Variants in DEGS1 observed in about 807,000 individuals in gnomAD.
DEGS1 encodes sphingolipid delta(4)-desaturase DES1.
A neutral mutation model predicts 24.1 loss-of-function variants in DEGS1; 17 were observed. The observed-to-expected ratio is 0.70, with a 90% CI of 0.48 to 1.06. DEGS1 has a LOEUF of 1.06. Among genes scored for constraint, DEGS1 ranks in the 50% least tolerant of loss-of-function variants. The probability of loss-of-function intolerance (pLI) is 0.00; values close to 1 mark genes in which losing one functional copy is unlikely to be tolerated. For missense variants in DEGS1, 366 were observed against 408.9 expected (o/e 0.90, Z 0.91); for synonymous variants, 134 against 140.0 (o/e 0.96, Z 0.30).
At position 224,189,964 on chromosome 1, in the gene DEGS1, T is replaced by C; in HGVS notation, c.470T>C (p.Phe157Ser). The C allele has an allele frequency of 6.2e-7, 1 of 1,614,232 alleles. No homozygotes were observed. The highest frequency in any genetic ancestry group is 1.3e-5 in the African/African-American group (1 of 75,068). The change falls in exon 2 of 3, where the codon TTC becomes TCC. Residue 157 changes from phenylalanine to serine, a missense_variant. Physicochemically the swap from Phe to Ser is radical, Grantham distance 155. Transcript: ENST00000323699. Reference sequence around the variant, plus strand: ...GAGGGCTGGTTCTTCTGTACCGCTTTCAGAAAGTTTATATGGGTTATTCTT... The same window carrying C: ...GAGGGCTGGTTCTTCTGTACCGCTTCCAGAAAGTTTATATGGGTTATTCTT... ...DFEGWFFCTA[F>S]RKFIWVILQP...
At chr1:224,183,770 C>T (rs1447082278) in intron 1 of DEGS1, 2 of 183,180 alleles carry the variant, frequency 1.1e-5, no homozygotes, top group African/African-American at 4.7e-5. Flanking sequence ...CTAGAAGATT[C>T]CTGTGCCCTC....
intron 1 of DEGS1, among the ~76,000 whole-genome samples, chr1:224,184,586 GC>G (rs1287195194): frequency 6.6e-6 from 1 of 151,940 alleles, no homozygotes; most frequent in African/African-American, 2.4e-5. Flanking sequence ...ATCTCCACTC[GC>G]TGCAACCTCT....
In DEGS1 at chr1:224,192,559, G is replaced by A. The variant is rs924150953; in HGVS notation, c.*81G>A. 7 of 1,374,050 alleles carry A rather than the reference G, an allele frequency of 5.1e-6. No individual in the cohort carries two copies. The African/African-American group carries it at 1.0e-4, about 20-fold the overall frequency. 85.1% of individuals were successfully genotyped at this position (1,374,050 alleles called of 1,614,324 possible). On this transcript the variant is annotated 3_prime_UTR_variant, in exon 3 of 3. Coordinates refer to ENST00000323699, the MANE Select transcript of DEGS1 (RefSeq NM_003676.4). ...TTTTGCATTATTAAACTTGAGACCAGTGATGCTCAGAAGCTCCCCTGGCAC... is the reference window on the plus strand; with the variant it reads ...TTTTGCATTATTAAACTTGAGACCAATGATGCTCAGAAGCTCCCCTGGCAC...
chr1:224,191,401 A>G lies in DEGS1; in HGVS notation c.826-931A>G, dbSNP rs534179542. On this transcript the variant is annotated intron_variant, in intron 2 of 2. Coordinates refer to ENST00000323699, the MANE Select transcript of DEGS1 (RefSeq NM_003676.4). Reference sequence around the variant, plus strand: ...CGAAACTCCGTCTCAAAAAAAAAAAAAGAGAGAGATGGGTTTCCCTGTGTT... The same window carrying G: ...CGAAACTCCGTCTCAAAAAAAAAAAGAGAGAGAGATGGGTTTCCCTGTGTT... Among the ~76,000 whole-genome samples, 11 of 149,186 alleles carry G rather than the reference A, an allele frequency of 7.4e-5. No individual in the cohort carries two copies. In the East Asian group the frequency reaches 1.2e-3, roughly 16 times the overall value.
At chr1:224,187,995 A>G (rs903570885) in intron 1 of DEGS1, among the ~76,000 whole-genome samples, 1 of 147,856 alleles carries the variant, frequency 6.8e-6, no homozygotes, top group Non-Finnish European at 1.5e-5. Flanking sequence ...GGGTCCTGTT[A>G]TGTTGCCCAG....
At position 224,186,712 on chromosome 1, in the gene DEGS1, CAAAAAAAAAAAAA is replaced by C. The variant is rs34809195; in HGVS notation, c.83-2855_83-2843del. 1.4e-4 allele frequency among the ~76,000 whole-genome samples: 11 copies of C among 79,866 alleles called. No homozygotes were observed. In the South Asian group the frequency reaches 4.7e-3, roughly 34 times the overall value. The allele number at this position is 79,866 out of a possible 152,430, so 52.4% of individuals were successfully genotyped here. On this transcript the variant is annotated intron_variant, in intron 1 of 2. Coordinates refer to ENST00000323699, the MANE Select transcript of DEGS1 (RefSeq NM_003676.4). ...TGGGCGACAGAGTGAGCCTCCGTCT[CAAAAAAAAAAAAA>C]AAAAAAAAAGAAGGACTACATATTT...
Position 224,192,547 on chromosome 1 carries a change from A to T in DEGS1, c.*69A>T. The T allele has an allele frequency of 6.8e-7, 1 of 1,479,284 alleles. No homozygotes were observed. Among genetic ancestry groups the T allele is most frequent in the Non-Finnish European group, 9.2e-7 (1 of 1,089,286 alleles). 91.6% of individuals were successfully genotyped at this position (1,479,284 alleles called of 1,614,324 possible). A position where few individuals can be genotyped will look rare whatever the true frequency, so the allele number is the denominator to read the frequency against. On this transcript the variant is annotated 3_prime_UTR_variant, in exon 3 of 3. Coordinates refer to ENST00000323699, the MANE Select transcript of DEGS1 (RefSeq NM_003676.4). ...ATAAAATGGAATTTTTGCATTATTAAACTTGAGACCAGTGATGCTCAGAAG... is the reference window on the plus strand; with the variant it reads ...ATAAAATGGAATTTTTGCATTATTATACTTGAGACCAGTGATGCTCAGAAG...
intron 1 of DEGS1, among the ~76,000 whole-genome samples, chr1:224,188,820 T>C (rs1359269042): frequency 6.6e-6 from 1 of 152,208 alleles, no homozygotes; most frequent in African/African-American, 2.4e-5. Context: ...ACAGAAAGTT[T>C]TTGATGCTGT....
intron 1 of DEGS1, among the ~76,000 whole-genome samples, chr1:224,185,016 A>G (rs1427868325): frequency 2.4e-5 from 2 of 81,664 alleles, no homozygotes; most frequent in African/African-American, 9.2e-5. Context: ...CTTTTTTTAA[A>G]TTGAGGAAAC....
chr1:224,188,682 A>C (rs930907040), intron 1 of DEGS1, among the ~76,000 whole-genome samples: 4 of 152,082 alleles, frequency 2.6e-5, no homozygotes, highest in African/African-American at 9.7e-5. Context: ...CCCATTTTTT[A>C]ATTGGATTAT....
In DEGS1 at chr1:224,183,287, C is replaced by T. The variant is rs1026899892; in HGVS notation, c.-50C>T. On this transcript the variant is annotated 5_prime_UTR_variant, in exon 1 of 3. Coordinates refer to ENST00000323699, the MANE Select transcript of DEGS1 (RefSeq NM_003676.4). ...CGCCGCCGCCGCCACCTCTGAGCAG[C>T]CGGCTGGGAGCGAGAGCCGACAGCT... is the stretch of plus-strand genomic sequence containing the variant. The T allele has an allele frequency of 6.9e-7, 1 of 1,448,440 alleles. No individual in the cohort carries two copies. 89.7% of individuals were successfully genotyped at this position (1,448,440 alleles called of 1,614,324 possible).
intron 1 of DEGS1, among the ~76,000 whole-genome samples, chr1:224,186,352 C>T (rs1658390688): frequency 6.6e-6 from 1 of 151,886 alleles, no homozygotes; most frequent in Non-Finnish European, 1.5e-5. Context: ...TGATACTTAC[C>T]TCACACTGAG....
In DEGS1 at chr1:224,183,348, C is replaced by T; in HGVS notation, c.12C>T (p.Arg4=). The T allele has an allele frequency of 1.4e-6, 2 of 1,479,376 alleles. No individual in the cohort carries two copies. The highest frequency in any genetic ancestry group is 3.6e-4 in the Middle Eastern group (2 of 5,626). 91.6% of individuals were successfully genotyped at this position (1,479,376 alleles called of 1,614,324 possible). MGS[R]VSREDFEWVY... ...CCACCGCTGTCGCCATGGGGAGCCG[C>T]GTCTCGCGGGAAGACTTCGAGTGGG... Residue 4 remains arginine, a synonymous_variant, in exon 1 of 3, where the codon CGC becomes CGT. Transcript: ENST00000323699.
intron 1 of DEGS1, among the ~76,000 whole-genome samples, chr1:224,185,272 C>T (rs1042618333): frequency 5.3e-5 from 8 of 151,992 alleles, no homozygotes; most frequent in African/African-American, 1.9e-4. Context: ...ATTTTAAAGG[C>T]GTAAGCCACT....
chr1:224,189,954 T>C lies in DEGS1; in HGVS notation c.460T>C (p.Cys154Arg). Reference protein sequence around the residue: ...IPTDFEGWFFCTAFRKFIWVI... With the variant: ...IPTDFEGWFFRTAFRKFIWVI... ...TACCGATTTTGAGGGCTGGTTCTTC[T>C]GTACCGCTTTCAGAAAGTTTATATG... Residue 154 changes from cysteine (C) to arginine (R), a missense_variant, in exon 2 of 3, where the codon TGT becomes CGT. Cys to Arg is a radical substitution (Grantham distance 180). Coordinates refer to ENST00000323699, the MANE Select transcript of DEGS1 (RefSeq NM_003676.4). The C allele has an allele frequency of 6.2e-7, 1 of 1,614,260 alleles. No homozygotes were observed. Among genetic ancestry groups the C allele is most frequent in the East Asian group, 2.2e-5 (1 of 44,890 alleles).
chr1:224,184,553 T>C (rs1036258115), intron 1 of DEGS1, among the ~76,000 whole-genome samples: 19 of 152,052 alleles, frequency 1.2e-4, no homozygotes, highest in African/African-American at 4.3e-4. Flanking sequence ...ACTCTGTTGC[T>C]CATGCTGGAG....
At position 224,192,915 on chromosome 1, in the gene DEGS1, G is replaced by A. The variant is rs941939237; in HGVS notation, c.*437G>A. 7 of 165,692 alleles carry A rather than the reference G, an allele frequency of 4.2e-5. No individual in the cohort carries two copies. The South Asian group carries it at 6.2e-4, about 15-fold the overall frequency. The allele number at this position is 165,692 out of a possible 1,614,324, so 10.3% of individuals were successfully genotyped here. A position where few individuals can be genotyped will look rare whatever the true frequency, so the allele number is the denominator to read the frequency against. ...CTAAAAATGCAAAAATTAGCCGGGCGTGGCGGCACATGCCTGTAATCCCAG... is the reference window on the plus strand; with the variant it reads ...CTAAAAATGCAAAAATTAGCCGGGCATGGCGGCACATGCCTGTAATCCCAG... On this transcript the variant is annotated 3_prime_UTR_variant, in exon 3 of 3. Transcript: ENST00000323699.
At chr1:224,189,209 A>G (rs1322137733) in intron 1 of DEGS1, among the ~76,000 whole-genome samples, 1 of 152,242 alleles carries the variant, frequency 6.6e-6, no homozygotes, top group Admixed American at 6.5e-5. Flanking sequence ...TAGGGTAACT[A>G]CAAAATGTAT....
In DEGS1 at chr1:224,192,428, C is replaced by T; in HGVS notation, c.922C>T (p.Pro308Ser). 1 of 1,612,870 alleles carries T rather than the reference C, an allele frequency of 6.2e-7. No homozygotes were observed. ...TTTTGTGATGGATGATACAATAAGT[C>T]CCTACTCAAGAATGAAGAGGCACCA... ...YDFVMDDTIS[P>S]YSRMKRHQKG... is the part of the protein sequence containing the mutation. Residue 308 changes from proline to serine, a missense_variant, in exon 3 of 3, where the codon CCC becomes TCC. Physicochemically the swap from Pro to Ser is moderately conservative, Grantham distance 74 (BLOSUM62 -1). Transcript: ENST00000323699.
Sources: allele counts gnomAD v4.1 joint callset (sites outside exome capture counted in the v4.1 genomes callset), GRCh38; gene constraint gnomAD v4.1.1; transcripts MANE v1.5; gene names NCBI Gene and HGNC (gene_info 2026-07-23, HGNC 2026-07-21).